The following RPS6KA5 variants were observed in gnomAD, a reference collection of about 807,000 sequenced individuals.
RPS6KA5 encodes the protein ribosomal protein S6 kinase A5, also known as ribosomal protein S6 kinase alpha-5.
RPS6KA5 carries 27 observed loss-of-function variants against 85.5 expected under a neutral mutation model. The observed-to-expected ratio is 0.32, with a 90% CI of 0.23 to 0.44. The LOEUF is 0.44. Ranked by LOEUF, RPS6KA5 falls within the 20% of genes least tolerant of loss-of-function variation. The pLI is 1.00. For synonymous variants in RPS6KA5, 334 were observed against 348.2 expected (o/e 0.96, Z 0.46); for missense variants, 811 against 980.9 (o/e 0.83, Z 2.31).
chr14:90,902,573 A>T lies in RPS6KA5; in HGVS notation c.1119+235T>A, dbSNP rs570968461. Among the ~76,000 whole-genome samples the T allele has an allele frequency of 2.0e-5, 3 of 152,354 alleles. No homozygotes were observed. The South Asian group carries it at 6.2e-4, about 32-fold the overall frequency. ...AGAATCTGAACAAAAATAAAATTTC[A>T]GGTATAAAATTAAAACTTCCCTTAT... On this transcript the variant is annotated intron_variant, in intron 9 of 16. Transcript: ENST00000614987.
At chr14:91,018,277 T>C (rs1007384221) in intron 1 of RPS6KA5, among the ~76,000 whole-genome samples, 2 of 152,236 alleles carry the variant, frequency 1.3e-5, no homozygotes, top group African/African-American at 4.8e-5. Context: ...TTTGTGTCTA[T>C]ATATTAATAT....
Position 90,973,513 on chromosome 14 carries a change from T to C in RPS6KA5, c.394+4793A>G, listed in dbSNP as rs139237648. Among the ~76,000 whole-genome samples, 32 of 151,970 alleles carry C rather than the reference T, an allele frequency of 2.1e-4. 1 individual carries two copies. In the Middle Eastern group the frequency reaches 0.014, roughly 65 times the overall value. ...CTCCCTTCATCAAGCCTACAGGTTTTTTCCCCCAAACAAGTAGAAAATGAC... is the reference window on the plus strand; with the variant it reads ...CTCCCTTCATCAAGCCTACAGGTTTCTTCCCCCAAACAAGTAGAAAATGAC... On this transcript the variant is annotated intron_variant, in intron 3 of 16. Coordinates refer to ENST00000614987, the MANE Select transcript of RPS6KA5 (RefSeq NM_004755.4).
chr14:91,055,882 C>T (rs748745161), intron 1 of RPS6KA5, among the ~76,000 whole-genome samples: 14 of 152,200 alleles, frequency 9.2e-5, no homozygotes, highest in South Asian at 2.1e-4. Flanking sequence ...GCTCAAGCCA[C>T]GCTATGGAGA....
chr14:91,002,621 TTAAC>T (rs1463083665), intron 1 of RPS6KA5, among the ~76,000 whole-genome samples: 2 of 152,170 alleles, frequency 1.3e-5, no homozygotes, highest in African/African-American at 4.8e-5. Flanking sequence ...TTTCCAAAGT[TTAAC>T]TAAACTCATA....
intron 3 of RPS6KA5, among the ~76,000 whole-genome samples, chr14:90,962,728 A>G (rs571710431): frequency 6.6e-6 from 1 of 152,224 alleles, no homozygotes; most frequent in African/African-American, 2.4e-5. Context: ...AATTGTAAGA[A>G]CAATACAAAG....
At chr14:90,943,252 C>T (rs1023618813) in intron 4 of RPS6KA5, 67 bp from the exon 5 acceptor site, 13 of 848,226 alleles carry the variant, frequency 1.5e-5, no homozygotes, top group Middle Eastern at 2.8e-4. Context: ...CAGTCTTTCT[C>T]GTCTACCTTT....
chr14:91,047,266 G>A (rs548775670), intron 1 of RPS6KA5, among the ~76,000 whole-genome samples: 20 of 152,314 alleles, frequency 1.3e-4, no homozygotes, highest in African/African-American at 4.8e-4. Context: ...AACACTGCCA[G>A]GATAAGACTC....
chr14:90,973,774 C>T (rs1208314575), intron 3 of RPS6KA5, among the ~76,000 whole-genome samples: 11 of 152,016 alleles, frequency 7.2e-5, no homozygotes, highest in African/African-American at 1.7e-4. Flanking sequence ...TGGTGGTTCA[C>T]GCCTGTAATC....
intron 1 of RPS6KA5, among the ~76,000 whole-genome samples, chr14:91,020,013 T>C (rs2041678169): frequency 6.6e-6 from 1 of 152,206 alleles, no homozygotes; most frequent in Admixed American, 6.5e-5. Context: ...CATATGACTG[T>C]AAGGAATACT....
At chr14:91,036,500 C>T (rs2042417992) in intron 1 of RPS6KA5, among the ~76,000 whole-genome samples, 1 of 152,130 alleles carries the variant, frequency 6.6e-6, no homozygotes, top group Admixed American at 6.6e-5. Context: ...CAGATCCATG[C>T]ACACAAATAA....
intron 1 of RPS6KA5, among the ~76,000 whole-genome samples, chr14:91,006,855 C>T (rs1422723114): frequency 6.6e-6 from 1 of 152,168 alleles, no homozygotes; most frequent in African/African-American, 2.4e-5. Context: ...GGGCATGAGC[C>T]ACCGCACCCG....
Position 90,933,648 on chromosome 14 carries a change from T to C in RPS6KA5, c.618+9430A>G, listed in dbSNP as rs553795364. ...CACAGTTATCAACCAGAATTATTCT[T>C]CCAAAATAGGAGATCACTACTCTTC... On this transcript the variant is annotated intron_variant, in intron 5 of 16. Transcript: ENST00000614987. Among the ~76,000 whole-genome samples, 18 of 152,268 alleles carry C rather than the reference T, an allele frequency of 1.2e-4. No homozygotes were observed. The South Asian group carries it at 3.7e-3, about 32-fold the overall frequency.
intron 5 of RPS6KA5, among the ~76,000 whole-genome samples, chr14:90,940,789 C>T (rs1201104529): frequency 6.6e-6 from 1 of 152,212 alleles, no homozygotes; most frequent in Non-Finnish European, 1.5e-5. Flanking sequence ...TGAGCTCTGC[C>T]TTCTGTCAGA....
At chr14:90,892,881 A>C (rs1306426802) in intron 13 of RPS6KA5, among the ~76,000 whole-genome samples, 1 of 152,226 alleles carries the variant, frequency 6.6e-6, no homozygotes, top group Non-Finnish European at 1.5e-5. Flanking sequence ...TAGGACTATA[A>C]TTGCAGTAGA....
In RPS6KA5 at chr14:90,858,945, C is replaced by T. The variant is rs2032410287; in HGVS notation, c.*13129G>A. 1 of 152,186 alleles carries T rather than the reference C, an allele frequency of 6.6e-6. No homozygotes were observed. Among genetic ancestry groups the T allele is most frequent in the South Asian group, 2.1e-4 (1 of 4,824 alleles). 9.4% of individuals were successfully genotyped at this position (152,186 alleles called of 1,614,324 possible). On this transcript the variant is annotated 3_prime_UTR_variant, in exon 17 of 17. Coordinates refer to ENST00000614987, the MANE Select transcript of RPS6KA5 (RefSeq NM_004755.4). ...GCCTGAAATACTGGTACAGTATCTC[C>T]TTGAGGTGTCTGCCAATTGCAGACT...
At chr14:91,032,700 A>G (rs1030136575) in intron 1 of RPS6KA5, among the ~76,000 whole-genome samples, 1 of 152,162 alleles carries the variant, frequency 6.6e-6, no homozygotes, top group Admixed American at 6.5e-5. Context: ...AAGAAACAAC[A>G]TAAGCAAACA....
chr14:90,964,851 G>A (rs2038975977), intron 3 of RPS6KA5, among the ~76,000 whole-genome samples: 1 of 148,744 alleles, frequency 6.7e-6, no homozygotes, highest in African/African-American at 2.5e-5. Context: ...GGAAGTCAAG[G>A]CTGCAGTGGG....
At chr14:90,879,488 T>C (rs2033687845) in intron 14 of RPS6KA5, among the ~76,000 whole-genome samples, 1 of 152,194 alleles carries the variant, frequency 6.6e-6, no homozygotes, top group Non-Finnish European at 1.5e-5. Flanking sequence ...AGAGCTGTGC[T>C]GAACCAATGG....
rs1381102804 is a variant in RPS6KA5 at position 90,870,653 on chromosome 14, G to T, written c.*1421C>A. On this transcript the variant is annotated 3_prime_UTR_variant, in exon 17 of 17. Transcript: ENST00000614987. ...CAAATTCCAAACTAATGCTCAAAAGGTTATCATTAACAAAAACTATAAAAT... is the reference window on the plus strand; with the variant it reads ...CAAATTCCAAACTAATGCTCAAAAGTTTATCATTAACAAAAACTATAAAAT... 1 of 151,986 alleles carries T rather than the reference G, an allele frequency of 6.6e-6. No individual in the cohort carries two copies. The highest frequency in any genetic ancestry group is 1.5e-5 in the Non-Finnish European group (1 of 67,916). The allele number at this position is 151,986 out of a possible 1,614,324, so 9.4% of individuals were successfully genotyped here.
Sources: allele counts gnomAD v4.1 joint callset (sites outside exome capture counted in the v4.1 genomes callset), GRCh38; gene constraint gnomAD v4.1.1; transcripts MANE v1.5; gene names NCBI Gene and HGNC (gene_info 2026-07-23, HGNC 2026-07-21).